STX8: variants seen among roughly 807,000 people sequenced by gnomAD.
STX8 encodes the protein syntaxin-8.
A neutral mutation model predicts 37.5 loss-of-function variants in STX8; 23 were observed. The ratio of observed to expected loss-of-function variants is 0.61; its 90% CI spans 0.44 to 0.87. The LOEUF is 0.87. Among genes scored for constraint, STX8 ranks in the 40% least tolerant of loss-of-function variants. The pLI is 0.00. For synonymous variants in STX8, 115 were observed against 99.1 expected (o/e 1.16, Z -0.95); for missense variants, 313 against 284.7 (o/e 1.10, Z -0.71).
At chr17:9,562,643 A>G (rs1318868300) in intron 2 of STX8, among the ~76,000 whole-genome samples, 1 of 151,952 alleles carries the variant, frequency 6.6e-6, no homozygotes, top group Non-Finnish European at 1.5e-5. Flanking sequence ...GCCCTTAAGC[A>G]TATGAAAACA....
intron 7 of STX8, among the ~76,000 whole-genome samples, chr17:9,261,547 T>C (rs1362601287): frequency 6.7e-6 from 1 of 150,262 alleles, no homozygotes; most frequent in Non-Finnish European, 1.5e-5. Context: ...TTAGAGGGAG[T>C]GTGTAAAAAC....
intron 4 of STX8, among the ~76,000 whole-genome samples, chr17:9,536,737 GCTT>G (rs2142552548): frequency 6.8e-6 from 1 of 146,932 alleles, no homozygotes; most frequent in Admixed American, 6.7e-5. Flanking sequence ...GCAAGAATGG[GCTT>G]ATTATTATTT....
At chr17:9,282,512 T>C (rs563013839) in intron 7 of STX8, among the ~76,000 whole-genome samples, 2 of 152,338 alleles carry the variant, frequency 1.3e-5, no homozygotes, top group East Asian at 3.9e-4. Context: ...CTTCCAACAT[T>C]ACATTATTTG....
chr17:9,277,603 C>T (rs573316783), intron 7 of STX8, among the ~76,000 whole-genome samples: 3 of 152,186 alleles, frequency 2.0e-5, no homozygotes, highest in African/African-American at 7.2e-5. Flanking sequence ...ATTCAAACAA[C>T]CACACAATAA....
intron 4 of STX8, among the ~76,000 whole-genome samples, chr17:9,518,286 TC>T (rs1185345939): frequency 6.6e-6 from 1 of 151,800 alleles, no homozygotes; most frequent in Non-Finnish European, 1.5e-5. Flanking sequence ...CAAACACTCT[TC>T]CCAGGTCTTA....
At chr17:9,541,571 C>T (rs1397061099) in intron 4 of STX8, among the ~76,000 whole-genome samples, 2 of 152,156 alleles carry the variant, frequency 1.3e-5, no homozygotes, top group Non-Finnish European at 2.9e-5. Context: ...CATGTATCCC[C>T]AGTCTAAGGT....
chr17:9,265,126 A>G (rs1374178032), intron 7 of STX8, among the ~76,000 whole-genome samples: 1 of 149,986 alleles, frequency 6.7e-6, no homozygotes, highest in African/African-American at 2.4e-5. Flanking sequence ...CTGAAAAGAA[A>G]AAAAAAAAAA....
chr17:9,363,262 G>A lies in STX8; in HGVS notation c.643+15290C>T, dbSNP rs904976233. On this transcript the variant is annotated intron_variant, in intron 7 of 7. Transcript: ENST00000306357. ...AAAGTGATTTTGCCTCTTCTCTCCC[G>A]ACCCAGGCTTAGCCAGCTTTGGTAA... is the stretch of plus-strand genomic sequence containing the variant. 4.6e-5 allele frequency among the ~76,000 whole-genome samples: 7 copies of A among 152,250 alleles called. No homozygotes were observed. The Middle Eastern group carries it at 0.01, about 222-fold the overall frequency.
intron 6 of STX8, among the ~76,000 whole-genome samples, chr17:9,453,325 T>C (rs1356524407): frequency 6.6e-6 from 1 of 152,096 alleles, no homozygotes; most frequent in Non-Finnish European, 1.5e-5. Flanking sequence ...CATCATTATG[T>C]TTACCCCATG....
intron 7 of STX8, among the ~76,000 whole-genome samples, chr17:9,356,850 C>T (rs887760527): frequency 3.3e-5 from 5 of 151,886 alleles, no homozygotes; most frequent in South Asian, 4.2e-4. Context: ...TGTGCAGCAG[C>T]GCATTTGCAT....
At chr17:9,545,085 C>G in intron 4 of STX8, 87 bp downstream of exon 4, 1 of 779,858 alleles carries the variant, frequency 1.3e-6, no homozygotes, top group South Asian at 1.7e-5. Context: ...TGATTAATTC[C>G]TAAAGTAAGC....
At position 9,501,507 on chromosome 17, in the gene STX8, A is replaced by G. The variant is rs148631879; in HGVS notation, c.448+3531T>C. ...GGAGTTTGAGACCAGCCTGGCCAAC[A>G]TGGAGAAACCCCATCTCTACTAAAA... On this transcript the variant is annotated intron_variant, in intron 5 of 7. Coordinates refer to ENST00000306357, the MANE Select transcript of STX8 (RefSeq NM_004853.3). Among the ~76,000 whole-genome samples the G allele has an allele frequency of 3.3e-3, 496 of 151,978 alleles. 3 individuals are homozygous for G. Among genetic ancestry groups the G allele is most frequent in the African/African-American group, 0.011 (472 of 41,430 alleles).
chr17:9,520,695 G>A (rs1004686156), intron 4 of STX8, among the ~76,000 whole-genome samples: 2 of 152,148 alleles, frequency 1.3e-5, no homozygotes, highest in African/African-American at 4.8e-5. Flanking sequence ...TATCGGGGGG[G>A]TGCACAGACA....
intron 7 of STX8, among the ~76,000 whole-genome samples, chr17:9,304,784 G>A (rs1374362690): frequency 6.6e-6 from 1 of 151,800 alleles, no homozygotes; most frequent in African/African-American, 2.4e-5. Context: ...CACTTTGGAG[G>A]GCAATCTGGT....
intron 4 of STX8, among the ~76,000 whole-genome samples, chr17:9,533,987 T>C (rs1034362711): frequency 3.3e-5 from 5 of 152,146 alleles, no homozygotes; most frequent in African/African-American, 9.7e-5. Context: ...TATAACATGA[T>C]CATGTGATAC....
At chr17:9,356,303 A>G (rs750001460) in intron 7 of STX8, among the ~76,000 whole-genome samples, 10 of 152,212 alleles carry the variant, frequency 6.6e-5, no homozygotes, top group Non-Finnish European at 1.5e-4. Context: ...CTCTAACCAA[A>G]TGGTCCATGA....
chr17:9,267,287 A>G (rs571281101), intron 7 of STX8, among the ~76,000 whole-genome samples: 1 of 152,192 alleles, frequency 6.6e-6, no homozygotes, highest in Non-Finnish European at 1.5e-5. Context: ...AAAAAGAGAG[A>G]AAATGCTGAG....
At chr17:9,414,101 TCCATCCATCCATCCATCCATCCATCCAA>T (rs1567549740) in intron 6 of STX8, among the ~76,000 whole-genome samples, 2 of 10,354 alleles carry the variant, frequency 1.9e-4, no homozygotes, top group African/African-American at 5.6e-4. Context: ...CATCCATCCA[TCCATCCATCCATCCATCCATCCATCCAA>T]CCATCCATCC....
At chr17:9,345,896 G>C (rs1193334599) in intron 7 of STX8, among the ~76,000 whole-genome samples, 1 of 96,950 alleles carries the variant, frequency 1.0e-5, no homozygotes, top group African/African-American at 4.0e-5. Context: ...TTGTTGCCCA[G>C]ACTGGAGTGC....
Sources: gnomAD v4.1 joint callset for allele counts (sites outside exome capture counted in the v4.1 genomes callset) on GRCh38, gnomAD v4.1.1 for gene constraint, MANE v1.5 for transcripts, NCBI Gene and HGNC (gene_info 2026-07-23, HGNC 2026-07-21) for gene names.